The following TSNARE1 variants were observed in gnomAD, a reference collection of about 807,000 sequenced individuals.
The protein encoded by TSNARE1 is t-SNARE domain-containing protein 1.
Under a neutral mutation model 62.0 loss-of-function variants are expected in TSNARE1, and 49 were observed. The observed-to-expected ratio is 0.79, with a 90% CI of 0.63 to 1.00. The LOEUF (loss-of-function observed/expected upper bound fraction) is 1.00. TSNARE1 is among the 50% of genes least tolerant of loss of function. The probability of loss-of-function intolerance (pLI) is 0.00; values close to 1 mark genes in which losing one functional copy is unlikely to be tolerated. For synonymous variants in TSNARE1, 328 were observed against 294.4 expected, an observed-to-expected ratio of 1.11 and a Z score of -1.17; for missense variants, 755 against 700.1, an observed-to-expected ratio of 1.08 and a Z score of -0.88.
At chr8:142,323,577 G>A (rs1322572007) in intron 6 of TSNARE1, among the ~76,000 whole-genome samples, 4 of 152,218 alleles carry the variant, frequency 2.6e-5, no homozygotes, top group African/African-American at 4.8e-5. Context: ...GGGCTCCTCC[G>A]GGAAATGGCG....
chr8:142,275,929 C>T, intron 11 of TSNARE1: 4 of 985,418 alleles, frequency 4.1e-6, no homozygotes, highest in Non-Finnish European at 4.8e-6. Flanking sequence ...GGACTCCCTA[C>T]TCTCATCAGG....
At chr8:142,254,140 G>A (rs574470313) in intron 12 of TSNARE1, among the ~76,000 whole-genome samples, 6 of 152,364 alleles carry the variant, frequency 3.9e-5, no homozygotes, top group South Asian at 2.1e-4. Flanking sequence ...CCGGGAGCCC[G>A]GCCGGCTGGA....
At chr8:142,310,508 G>A (rs1827399273) in intron 9 of TSNARE1, among the ~76,000 whole-genome samples, 1 of 152,208 alleles carries the variant, frequency 6.6e-6, no homozygotes, top group Non-Finnish European at 1.5e-5. Context: ...TTTTCCACGT[G>A]GAGGGGGTTC....
chr8:142,319,121 C>A lies in TSNARE1; in HGVS notation c.894-487G>T, dbSNP rs1829079367. Among the ~76,000 whole-genome samples the A allele has an allele frequency of 6.6e-6, 1 of 151,894 alleles. No homozygotes were observed. Among genetic ancestry groups the A allele is most frequent in the African/African-American group, 2.4e-5 (1 of 41,334 alleles). ...CCAGCCAGAACAGTGGCAGCCGGGC[C>A]CCACCAATCGGCCACTGCGAGGACC... On this transcript the variant is annotated intron_variant, in intron 6 of 13. Coordinates refer to ENST00000524325, the MANE Select transcript of TSNARE1 (RefSeq NM_145003.5). This position sits in a 1 kb window ranked among gnomAD's most constrained non-coding sequence, Gnocchi z 4.9.
intron 1 of TSNARE1, among the ~76,000 whole-genome samples, chr8:142,376,112 A>G (rs1287103897): frequency 6.6e-6 from 1 of 152,220 alleles, no homozygotes; most frequent in African/African-American, 2.4e-5. Flanking sequence ...CCTGCGTGCA[A>G]CCTTCAGAGA....
In TSNARE1 at chr8:142,319,314, G is replaced by C. The variant is rs144270826; in HGVS notation, c.894-680C>G. Among the ~76,000 whole-genome samples the C allele has an allele frequency of 6.6e-6, 1 of 151,976 alleles. No homozygotes were observed. The highest frequency in any genetic ancestry group is 1.5e-5 in the Non-Finnish European group (1 of 67,916). Reference sequence around the variant, plus strand: ...GGAGGCCAGCAGTCCCCACCCCCCTGCACACCTCTGAGGGGTGCACACCTC... The same window carrying C: ...GGAGGCCAGCAGTCCCCACCCCCCTCCACACCTCTGAGGGGTGCACACCTC... On this transcript the variant is annotated intron_variant, in intron 6 of 13. Coordinates refer to ENST00000524325, the MANE Select transcript of TSNARE1 (RefSeq NM_145003.5). The surrounding 1 kb of genome is among the most constrained non-coding windows in gnomAD (Gnocchi z 4.9).
intron 12 of TSNARE1, among the ~76,000 whole-genome samples, chr8:142,250,191 A>G (rs994803647): frequency 8.5e-5 from 13 of 152,136 alleles, no homozygotes; most frequent in Non-Finnish European, 1.8e-4. Flanking sequence ...TCACACTTCC[A>G]GCCATGTGCT....
intron 1 of TSNARE1, among the ~76,000 whole-genome samples, chr8:142,367,311 G>A (rs539265004): frequency 1.3e-5 from 2 of 152,300 alleles, no homozygotes; most frequent in Middle Eastern, 3.4e-3. Context: ...CTGGGAAAAC[G>A]CTAAACAAAA....
At chr8:142,282,880 G>C (rs1173048973) in intron 11 of TSNARE1, among the ~76,000 whole-genome samples, 2 of 143,746 alleles carry the variant, frequency 1.4e-5, no homozygotes, top group Admixed American at 1.4e-4. Context: ...GGAGGCCACT[G>C]TCTGTCAATG....
intron 13 of TSNARE1, among the ~76,000 whole-genome samples, chr8:142,214,772 G>A (rs2129814412): frequency 6.6e-6 from 1 of 152,284 alleles, no homozygotes; most frequent in Non-Finnish European, 1.5e-5. Flanking sequence ...GGCCCCAAGA[G>A]CTCCCGCCCT....
At chr8:142,282,057 GCTTCA>G (rs1189215189) in intron 11 of TSNARE1, among the ~76,000 whole-genome samples, 2 of 152,230 alleles carry the variant, frequency 1.3e-5, no homozygotes, top group Non-Finnish European at 2.9e-5. Flanking sequence ...CACCCCTGCT[GCTTCA>G]CTTCCTTTTC....
chr8:142,290,653 G>A (rs945736137), intron 10 of TSNARE1, among the ~76,000 whole-genome samples: 12 of 152,196 alleles, frequency 7.9e-5, no homozygotes, highest in Non-Finnish European at 1.8e-4. Flanking sequence ...CCACCAAACC[G>A]TATGCATTTA....
chr8:142,228,651 G>T (rs906809453), intron 13 of TSNARE1, among the ~76,000 whole-genome samples: 1 of 152,156 alleles, frequency 6.6e-6, no homozygotes, highest in Non-Finnish European at 1.5e-5. Flanking sequence ...TGCCCCAGTG[G>T]CTCTGAGTTG....
At chr8:142,336,458 C>T (rs765566413) in intron 4 of TSNARE1, among the ~76,000 whole-genome samples, 3 of 151,840 alleles carry the variant, frequency 2.0e-5, no homozygotes, top group Non-Finnish European at 4.4e-5. Context: ...GAATTCAGAA[C>T]CACAAATATA....
At chr8:142,334,796 C>T in intron 4 of TSNARE1, among the ~76,000 whole-genome samples, 1 of 152,184 alleles carries the variant, frequency 6.6e-6, no homozygotes, top group South Asian at 2.1e-4. Flanking sequence ...GGAAGGATGT[C>T]TTTAAAGTGC....
intron 1 of TSNARE1, among the ~76,000 whole-genome samples, chr8:142,362,018 C>T (rs1389233410): frequency 6.6e-6 from 1 of 152,244 alleles, no homozygotes; most frequent in African/African-American, 2.4e-5. Flanking sequence ...GATGAGGCGC[C>T]CCGATGGCCT....
chr8:142,214,282 C>G (rs1815722506), intron 13 of TSNARE1, among the ~76,000 whole-genome samples: 1 of 152,218 alleles, frequency 6.6e-6, no homozygotes, highest in Non-Finnish European at 1.5e-5. Flanking sequence ...CTGGCCCCAT[C>G]CACACCACAG....
At chr8:142,260,145 C>T (rs1377770260) in intron 12 of TSNARE1, among the ~76,000 whole-genome samples, 1 of 152,080 alleles carries the variant, frequency 6.6e-6, no homozygotes, top group Non-Finnish European at 1.5e-5. Context: ...TCTCCACAGC[C>T]CCGAACCCAG....
chr8:142,382,443 C>G (rs904601446), intron 1 of TSNARE1, among the ~76,000 whole-genome samples: 3 of 152,144 alleles, frequency 2.0e-5, no homozygotes, highest in Non-Finnish European at 4.4e-5. Flanking sequence ...CGGCACTGCC[C>G]GCCAGTCCCT....
Sources: allele counts gnomAD v4.1 joint callset (sites outside exome capture counted in the v4.1 genomes callset), GRCh38; gene constraint gnomAD v4.1.1; non-coding constraint Gnocchi (gnomAD v3.1); transcripts MANE v1.5; gene names NCBI Gene and HGNC (gene_info 2026-07-23, HGNC 2026-07-21).